Variants in ABL2 observed in about 807,000 individuals in gnomAD.
ABL2 encodes the protein ABL proto-oncogene 2, non-receptor tyrosine kinase, also known as tyrosine-protein kinase ABL2.
ABL2 carries 49 observed loss-of-function variants against 107.7 expected under a neutral mutation model. The observed-to-expected ratio is 0.45, with a 90% CI of 0.36 to 0.58. The LOEUF (loss-of-function observed/expected upper bound fraction) is 0.58. Among genes scored for constraint, ABL2 ranks in the 20% least tolerant of loss-of-function variants. The probability of loss-of-function intolerance (pLI) is 0.00; values close to 1 mark genes in which losing one functional copy is unlikely to be tolerated. For missense variants in ABL2, 1,245 were observed against 1,457.0 expected, an observed-to-expected ratio of 0.85 and a Z score of 2.37; for synonymous variants, 549 against 548.6, an observed-to-expected ratio of 1.00 and a Z score of -0.01.
At chr1:179,192,570 C>T (rs761934142) in intron 1 of ABL2, among the ~76,000 whole-genome samples, 3 of 152,120 alleles carry the variant, frequency 2.0e-5, no homozygotes, top group Non-Finnish European at 4.4e-5. Context: ...ATTTGTTGTA[C>T]CTGTAAGTAC....
chr1:179,167,865 C>T (rs1359649399), intron 1 of ABL2, among the ~76,000 whole-genome samples: 2 of 152,154 alleles, frequency 1.3e-5, no homozygotes, highest in Admixed American at 1.3e-4. Flanking sequence ...CCAGTAATCC[C>T]AGCTACTCAG....
chr1:179,117,940 G>A (rs1463558880), intron 7 of ABL2, among the ~76,000 whole-genome samples: 5 of 145,214 alleles, frequency 3.4e-5, no homozygotes, highest in Admixed American at 6.9e-5. Context: ...GCAACATGGC[G>A]AAACCCAGTC....
At chr1:179,185,702 G>T (rs1660647931) in intron 1 of ABL2, among the ~76,000 whole-genome samples, 1 of 151,888 alleles carries the variant, frequency 6.6e-6, no homozygotes, top group African/African-American at 2.4e-5. Flanking sequence ...TATTGTTTTT[G>T]ACTAAAAAGA....
chr1:179,174,908 ATAAAAT>A (rs769867204), intron 1 of ABL2, among the ~76,000 whole-genome samples: 22,609 of 118,682 alleles, frequency 0.19, 2,984 homozygotes, highest in Admixed American at 0.26. Context: ...AAAAAAAAAA[ATAAAAT>A]AAAAAAAATA....
chr1:179,114,607 T>A lies in ABL2; in HGVS notation c.1561+271A>T, dbSNP rs189925890. Among the ~76,000 whole-genome samples the A allele has an allele frequency of 4.7e-4, 72 of 152,314 alleles. 2 individuals carry two copies. The East Asian group carries it at 7.5e-3, about 16-fold the overall frequency. ...CTAGTTGAAAACGGCCCTCCCCACC[T>A]TAATCTCTAAACTCAATTTCTTATC... On this transcript the variant is annotated intron_variant, in intron 9 of 11. Transcript: ENST00000502732.
chr1:179,157,200 T>C (rs967892747), intron 1 of ABL2, among the ~76,000 whole-genome samples: 3 of 152,092 alleles, frequency 2.0e-5, no homozygotes, highest in African/African-American at 7.2e-5. Context: ...ATTTTGGATA[T>C]TCAAATTAGG....
intron 1 of ABL2, among the ~76,000 whole-genome samples, chr1:179,188,980 T>C (rs1660846667): frequency 6.6e-6 from 1 of 152,202 alleles, no homozygotes; most frequent in Non-Finnish European, 1.5e-5. Flanking sequence ...AGTTAATTTT[T>C]CAAAATTAAA....
At chr1:179,203,285 T>C (rs12074433) in intron 1 of ABL2, among the ~76,000 whole-genome samples, 3 of 152,194 alleles carry the variant, frequency 2.0e-5, no homozygotes, top group African/African-American at 7.2e-5. Context: ...AGAATGAAGG[T>C]TTTCCTCTCT....
chr1:179,215,878 A>G (rs2124841128), intron 1 of ABL2, among the ~76,000 whole-genome samples: 1 of 152,316 alleles, frequency 6.6e-6, no homozygotes, highest in Non-Finnish European at 1.5e-5. Context: ...ACAAAATGCT[A>G]AGTGGTAATC....
chr1:179,100,374 G>A lies in ABL2; in HGVS notation c.*7344C>T, dbSNP rs2102554735. 1 of 227,416 alleles carries A rather than the reference G, an allele frequency of 4.4e-6. No individual in the cohort carries two copies. Among genetic ancestry groups the A allele is most frequent in the South Asian group, 1.8e-4 (1 of 5,488 alleles). The allele number at this position is 227,416 out of a possible 1,614,324, so 14.1% of individuals were successfully genotyped here. On this transcript the variant is annotated 3_prime_UTR_variant, in exon 12 of 12. Transcript: ENST00000502732. Reference sequence around the variant, plus strand: ...ACAGTATCTGAGGTTTACTGTTGATGACACTAAAGCGTTCCCAGTCCTGCA... The same window carrying A: ...ACAGTATCTGAGGTTTACTGTTGATAACACTAAAGCGTTCCCAGTCCTGCA...
At chr1:179,145,355 C>A (rs1657908972) in intron 1 of ABL2, among the ~76,000 whole-genome samples, 1 of 151,972 alleles carries the variant, frequency 6.6e-6, no homozygotes, top group Non-Finnish European at 1.5e-5. Flanking sequence ...TCTCCAAAGG[C>A]CTTTTGTTTA....
chr1:179,222,716 G>A (rs529763324), intron 1 of ABL2, among the ~76,000 whole-genome samples: 9 of 151,866 alleles, frequency 5.9e-5, no homozygotes, highest in Non-Finnish European at 1.0e-4. Context: ...CCACAAACTG[G>A]TTACACCTTA....
At chr1:179,198,693 CAAAA>C (rs534990752) in intron 1 of ABL2, among the ~76,000 whole-genome samples, 3 of 34,944 alleles carry the variant, frequency 8.6e-5, no homozygotes, top group African/African-American at 3.8e-4. Context: ...ACTCCATCTC[CAAAA>C]AAAAAAAAAA....
chr1:179,121,881 G>T lies in ABL2; in HGVS notation c.688-14C>A, dbSNP rs199943477. On this transcript the variant is annotated splice_polypyrimidine_tract_variant and intron_variant, in intron 4 of 11. Coordinates refer to ENST00000502732, the MANE Select transcript of ABL2 (RefSeq NM_007314.4). ...AGTCACATACACCTGGTAAGAAAAG[G>T]AGAAAAGCTAAACAACTTGAAAAGA... 1.2e-5 allele frequency: 18 copies of T among 1,516,752 alleles called. No homozygotes were observed. The highest frequency in any genetic ancestry group is 1.2e-5 in the South Asian group (1 of 83,708). 94.0% of individuals were successfully genotyped at this position (1,516,752 alleles called of 1,614,324 possible).
chr1:179,188,302 G>A (rs923649693), intron 1 of ABL2, among the ~76,000 whole-genome samples: 1 of 152,134 alleles, frequency 6.6e-6, no homozygotes, highest in Non-Finnish European at 1.5e-5. Flanking sequence ...AGCACTGTGG[G>A]AAGCCAAGCT....
chr1:179,148,974 G>A (rs1571201816), intron 1 of ABL2, among the ~76,000 whole-genome samples: 1 of 150,930 alleles, frequency 6.6e-6, no homozygotes, highest in African/African-American at 2.4e-5. Flanking sequence ...CAAGTGAAAG[G>A]AAGAGTTGCA....
At position 179,108,804 on chromosome 1, in the gene ABL2, C is replaced by T. The variant is rs1572602119; in HGVS notation, c.2463G>A (p.Gln821=). The T allele has an allele frequency of 1.2e-6, 2 of 1,614,178 alleles. No homozygotes were observed. The highest frequency in any genetic ancestry group is 1.7e-6 in the Non-Finnish European group (2 of 1,180,040). Residue 821 remains glutamine, a synonymous_variant, in exon 12 of 12, where the codon CAG becomes CAA. Coordinates refer to ENST00000502732, the MANE Select transcript of ABL2 (RefSeq NM_007314.4). Reference sequence around the variant, plus strand: ...TGGCCCTGTCCACATTCTCTTCTGGCTGAGAAGAGGTGGACACTGTCCTTT... The same window carrying T: ...TGGCCCTGTCCACATTCTCTTCTGGTTGAGAAGAGGTGGACACTGTCCTTT... ...QLERTVSTSS[Q]PEENVDRAND...
chr1:179,116,132 G>C (rs571533765), intron 8 of ABL2, among the ~76,000 whole-genome samples: 3 of 152,308 alleles, frequency 2.0e-5, no homozygotes, highest in African/African-American at 7.2e-5. Context: ...CCAACACTTT[G>C]GGAGGCCAAG....
chr1:179,128,825 A>G (rs965403484), intron 3 of ABL2, among the ~76,000 whole-genome samples: 4 of 152,174 alleles, frequency 2.6e-5, no homozygotes, highest in African/African-American at 4.8e-5. Flanking sequence ...CTGGGTCTAC[A>G]GGTGCATGCC....
Sources: allele counts gnomAD v4.1 joint callset (sites outside exome capture counted in the v4.1 genomes callset), GRCh38; gene constraint gnomAD v4.1.1; transcripts MANE v1.5; gene names NCBI Gene and HGNC (gene_info 2026-07-23, HGNC 2026-07-21).